The following BRINP3 variants were observed in gnomAD, a reference collection of about 807,000 sequenced individuals.
BRINP3 encodes the protein BMP/retinoic acid inducible neural specific 3.
In BRINP3, 19 loss-of-function variants were observed where a neutral mutation model predicts 71.0. The observed-to-expected ratio is 0.27, with a 90% confidence interval of 0.19 to 0.39. The LOEUF (loss-of-function observed/expected upper bound fraction) is 0.39, where lower values mean the gene tolerates loss of function less well. Ranked by LOEUF, BRINP3 falls within the 10% of genes least tolerant of loss-of-function variation. BRINP3 has a pLI of 1.00. For synonymous variants in BRINP3, 380 were observed against 337.7 expected, an observed-to-expected ratio of 1.13 and a Z score of -1.37; for missense variants, 959 against 940.8, an observed-to-expected ratio of 1.02 and a Z score of -0.25.
intron 6 of BRINP3, among the ~76,000 whole-genome samples, chr1:190,205,036 C>T (rs537661991): frequency 1.3e-5 from 2 of 151,040 alleles, no homozygotes; most frequent in African/African-American, 4.9e-5. Flanking sequence ...AACTTCTGAG[C>T]AGAATCTTCA....
intron 4 of BRINP3, among the ~76,000 whole-genome samples, chr1:190,258,510 A>C: frequency 6.6e-6 from 1 of 152,240 alleles, no homozygotes; most frequent in East Asian, 1.9e-4. Context: ...GTTTACCTTG[A>C]TTGATCAAGA....
At chr1:190,100,343 A>G (rs1651595873) in intron 7 of BRINP3, among the ~76,000 whole-genome samples, 1 of 152,162 alleles carries the variant, frequency 6.6e-6, no homozygotes, top group South Asian at 2.1e-4. Flanking sequence ...TTTTCTGCTT[A>G]AGATTTTGTA....
chr1:190,287,917 T>C (rs1231025073), intron 2 of BRINP3, among the ~76,000 whole-genome samples: 1 of 152,124 alleles, frequency 6.6e-6, no homozygotes, highest in East Asian at 1.9e-4. Flanking sequence ...ATCACTTTCA[T>C]AGCTTAATAG....
At chr1:190,258,282 C>T (rs1660854874) in intron 4 of BRINP3, among the ~76,000 whole-genome samples, 1 of 152,184 alleles carries the variant, frequency 6.6e-6, no homozygotes. Context: ...GGGCATGGGA[C>T]CTCACTGAGC....
At chr1:190,122,179 G>T (rs1324328261) in intron 7 of BRINP3, among the ~76,000 whole-genome samples, 1 of 152,016 alleles carries the variant, frequency 6.6e-6, no homozygotes, top group Non-Finnish European at 1.5e-5. Context: ...CGGATCCATT[G>T]TTTAACTCAC....
intron 1 of BRINP3, among the ~76,000 whole-genome samples, chr1:190,461,678 A>G (rs1452251082): frequency 6.6e-6 from 1 of 152,208 alleles, no homozygotes; most frequent in Non-Finnish European, 1.5e-5. Context: ...TGCAACTGCA[A>G]CTGGTGGTGT....
At chr1:190,388,374 A>C (rs1432778663) in intron 2 of BRINP3, among the ~76,000 whole-genome samples, 2 of 151,836 alleles carry the variant, frequency 1.3e-5, no homozygotes, top group Non-Finnish European at 2.9e-5. Context: ...ACTGTGACCT[A>C]ATATGAAAAT....
chr1:190,114,526 CTG>C (rs34766118), intron 7 of BRINP3, among the ~76,000 whole-genome samples: 5,550 of 142,436 alleles, frequency 0.039, 140 homozygotes, highest in African/African-American at 0.079. Flanking sequence ...AAGTTTGCCA[CTG>C]TGTGTGTGTG....
Position 190,129,021 on chromosome 1 carries a change from A to G in BRINP3, c.1185-29887T>C, listed in dbSNP as rs550177895. ...ACTTGAAAGTTCTGATTTGATTTGCAAAGTCTACCATGTATATACACAGCA... is the reference window on the plus strand; with the variant it reads ...ACTTGAAAGTTCTGATTTGATTTGCGAAGTCTACCATGTATATACACAGCA... On this transcript the variant is annotated intron_variant, in intron 7 of 7. Transcript: ENST00000367462. Among the ~76,000 whole-genome samples, 58 of 151,952 alleles carry G rather than the reference A, an allele frequency of 3.8e-4. No homozygotes were observed. In the South Asian group the frequency reaches 8.7e-3, roughly 23 times the overall value.
intron 2 of BRINP3, among the ~76,000 whole-genome samples, chr1:190,322,093 T>C (rs552788245): frequency 6.6e-6 from 1 of 152,058 alleles, no homozygotes; most frequent in Admixed American, 6.6e-5. Context: ...GAAATAATAG[T>C]ATTTTAAATG....
intron 6 of BRINP3, among the ~76,000 whole-genome samples, chr1:190,164,001 A>C (rs2247188): frequency 0.61 from 93,367 of 151,928 alleles, 30,072 homozygotes; most frequent in African/African-American, 0.83. Flanking sequence ...CCACTATATT[A>C]AATTATCTTA....
At chr1:190,342,246 A>C (rs1431620174) in intron 2 of BRINP3, among the ~76,000 whole-genome samples, 7 of 151,518 alleles carry the variant, frequency 4.6e-5, no homozygotes, top group Non-Finnish European at 8.8e-5. Flanking sequence ...AGTATTTTTT[A>C]ATTAGCAACC....
chr1:190,141,551 TTTCC>T (rs1456343611), intron 7 of BRINP3, among the ~76,000 whole-genome samples: 10 of 139,658 alleles, frequency 7.2e-5, no homozygotes, highest in African/African-American at 2.7e-4. Flanking sequence ...TCTTTCTTTC[TTTCC>T]TTTTTTTTTT....
At chr1:190,410,906 T>G (rs1220230412) in intron 2 of BRINP3, among the ~76,000 whole-genome samples, 3 of 152,112 alleles carry the variant, frequency 2.0e-5, no homozygotes, top group African/African-American at 7.2e-5. Context: ...AGTTTATGGA[T>G]TTAATGCAAT....
chr1:190,156,461 C>T (rs999844311), intron 7 of BRINP3, among the ~76,000 whole-genome samples: 3 of 151,884 alleles, frequency 2.0e-5, no homozygotes, highest in Admixed American at 6.6e-5. Flanking sequence ...TTACAAATAC[C>T]CAATGTTCAG....
chr1:190,409,606 T>A (rs1571978035), intron 2 of BRINP3, among the ~76,000 whole-genome samples: 2 of 152,290 alleles, frequency 1.3e-5, no homozygotes, highest in East Asian at 3.9e-4. Context: ...AATTTCCCTT[T>A]AAGCATTTTC....
intron 2 of BRINP3, among the ~76,000 whole-genome samples, chr1:190,408,084 C>T (rs534430081): frequency 2.8e-5 from 4 of 142,400 alleles, no homozygotes; most frequent in East Asian, 2.1e-4. Flanking sequence ...TGCAGTGGCA[C>T]GATCTCGGCT....
In BRINP3 at chr1:190,277,087, TTATATATATATATATATA is replaced by T. The variant is rs1222129309; in HGVS notation, c.427+4455_427+4472del. On this transcript the variant is annotated intron_variant, in intron 3 of 7. Transcript: ENST00000367462. ...TTTGATCCTGAAATAAATTTTGGTT[TTATATATATATATATATA>T]TATATATATATATTTATATTCAGAA... is the stretch of plus-strand genomic sequence containing the variant. 5.8e-4 allele frequency among the ~76,000 whole-genome samples: 21 copies of T among 36,034 alleles called. 1 individual carries two copies. Among genetic ancestry groups the T allele is most frequent in the South Asian group, 1.9e-3 (1 of 530 alleles). The allele number at this position is 36,034 out of a possible 152,430, so 23.6% of individuals were successfully genotyped here.
chr1:190,180,737 T>A (rs1202282732), intron 6 of BRINP3, among the ~76,000 whole-genome samples: 1 of 152,078 alleles, frequency 6.6e-6, no homozygotes, highest in Non-Finnish European at 1.5e-5. Flanking sequence ...GAAGTCAGTG[T>A]GTTAGCCATA....
Sources: allele counts gnomAD v4.1 joint callset (sites outside exome capture counted in the v4.1 genomes callset), GRCh38; gene constraint gnomAD v4.1.1; transcripts MANE v1.5; gene names NCBI Gene and HGNC (gene_info 2026-07-23, HGNC 2026-07-21).